The following GRIN2A variants were observed in gnomAD, a reference collection of about 807,000 sequenced individuals.
The protein encoded by GRIN2A is glutamate receptor ionotropic, NMDA 2A.
In GRIN2A, 22 loss-of-function variants were observed where a neutral mutation model predicts 113.4. That is an observed-to-expected ratio of 0.19 (90% CI 0.14 to 0.28). The LOEUF is 0.28. Ranked by LOEUF, GRIN2A falls within the 10% of genes least tolerant of loss-of-function variation. The probability of loss-of-function intolerance (pLI) is 1.00; values close to 1 mark genes in which losing one functional copy is unlikely to be tolerated. For synonymous variants in GRIN2A, 827 were observed against 738.4 expected, an observed-to-expected ratio of 1.12 and a Z score of -1.94; for missense variants, 1,502 against 1,887.0, an observed-to-expected ratio of 0.80 and a Z score of 3.78.
At chr16:9,836,445 C>T (rs1042932380) in intron 7 of GRIN2A, among the ~76,000 whole-genome samples, 1 of 152,192 alleles carries the variant, frequency 6.6e-6, no homozygotes, top group Non-Finnish European at 1.5e-5. Flanking sequence ...ACTGAATTAT[C>T]CTATGTGCAT....
chr16:9,866,474 G>T (rs2043161751), intron 4 of GRIN2A, among the ~76,000 whole-genome samples: 1 of 151,932 alleles, frequency 6.6e-6, no homozygotes. Context: ...GAGGAATAAA[G>T]GGATACCATG....
At chr16:10,126,754 T>C (rs4782275) in intron 2 of GRIN2A, among the ~76,000 whole-genome samples, 26,275 of 152,172 alleles carry the variant, frequency 0.17, 2,373 homozygotes, top group Admixed American at 0.19. Flanking sequence ...AAGCAACCAT[T>C]TGATTCTGCC....
At chr16:9,924,850 T>C (rs550540491) in intron 3 of GRIN2A, among the ~76,000 whole-genome samples, 5 of 152,332 alleles carry the variant, frequency 3.3e-5, no homozygotes, top group African/African-American at 1.2e-4. Flanking sequence ...ATTTTATATC[T>C]AGTAGTTTGA....
At position 9,757,854 on chromosome 16, in the gene GRIN2A, C is replaced by A; in HGVS notation, c.*5295G>T. 1 of 226,396 alleles carries A rather than the reference C, an allele frequency of 4.4e-6. No individual in the cohort carries two copies. The highest frequency in any genetic ancestry group is 8.8e-6 in the Non-Finnish European group (1 of 113,564). The allele number at this position is 226,396 out of a possible 1,614,324, so 14.0% of individuals were successfully genotyped here. On this transcript the variant is annotated 3_prime_UTR_variant, in exon 13 of 13. Transcript: ENST00000330684. ...CAAATTCAAAGAAGCATGGGTAGGT[C>A]TTTCTGGGGCAAGTGGCAAAAACAA...
At chr16:10,068,610 C>A (rs56204883) in intron 2 of GRIN2A, among the ~76,000 whole-genome samples, 4,371 of 152,334 alleles carry the variant, frequency 0.029, 219 homozygotes, top group African/African-American at 0.1. Flanking sequence ...CCAGGCCCCA[C>A]CTCCAACACT....
intron 3 of GRIN2A, among the ~76,000 whole-genome samples, chr16:9,897,820 C>A (rs1042166851): frequency 6.6e-6 from 1 of 152,090 alleles, no homozygotes; most frequent in African/African-American, 2.4e-5. Context: ...AACTGGTAGA[C>A]TGTAATCATG....
At chr16:9,808,091 C>T (rs2042017262) in intron 10 of GRIN2A, among the ~76,000 whole-genome samples, 1 of 152,208 alleles carries the variant, frequency 6.6e-6, no homozygotes, top group African/African-American at 2.4e-5. Context: ...CATTCTGCTG[C>T]AGATTTCACG....
In GRIN2A at chr16:9,988,308, T is replaced by TGTGTGTGA. The variant is rs1395076166; in HGVS notation, c.415-49758_415-49757insTCACACAC. On this transcript the variant is annotated intron_variant, in intron 2 of 12. Transcript: ENST00000330684. ...GCGTGTGTGTGTGTGTGTGTGTGTG[T>TGTGTGTGA]GACACAGAAAGAGGTCTTACAAACA... 2.2e-4 allele frequency among the ~76,000 whole-genome samples: 33 copies of TGTGTGTGA among 150,728 alleles called. 1 individual carries two copies. In the East Asian group the frequency reaches 5.0e-3, roughly 23 times the overall value.
At chr16:10,016,573 G>A (rs1179737326) in intron 2 of GRIN2A, among the ~76,000 whole-genome samples, 1 of 152,100 alleles carries the variant, frequency 6.6e-6, no homozygotes, top group African/African-American at 2.4e-5. Flanking sequence ...CCTCCTATCT[G>A]GCATAGCATC....
At chr16:10,147,418 T>G (rs34172814) in intron 2 of GRIN2A, among the ~76,000 whole-genome samples, 65,890 of 143,940 alleles carry the variant, frequency 0.46, 16,271 homozygotes, top group East Asian at 0.85. Flanking sequence ...AGACCAGGCT[T>G]GGGCAACATG....
chr16:9,851,304 C>T (rs968378361), intron 4 of GRIN2A, among the ~76,000 whole-genome samples: 3 of 152,106 alleles, frequency 2.0e-5, no homozygotes, highest in East Asian at 1.9e-4. Context: ...GATAGGATGG[C>T]GAGTAGAGCA....
chr16:9,772,202 CTT>C (rs1901315100), intron 11 of GRIN2A, among the ~76,000 whole-genome samples: 1 of 152,144 alleles, frequency 6.6e-6, no homozygotes, highest in South Asian at 2.1e-4. Flanking sequence ...TCATGGGAGA[CTT>C]TGAAATAATA....
At position 10,080,560 on chromosome 16, in the gene GRIN2A, C is replaced by T. The variant is rs186977885; in HGVS notation, c.414+99438G>A. 2.2e-3 allele frequency among the ~76,000 whole-genome samples: 328 copies of T among 152,304 alleles called. 6 individuals carry two copies. Among genetic ancestry groups the T allele is most frequent in the Non-Finnish European group, 3.8e-4 (26 of 68,032 alleles). ...GGCTATTCTTGGAAGCCGAGCAACA[C>T]GCCTGCCACAGGGAAATGAGTCATG... On this transcript the variant is annotated intron_variant, in intron 2 of 12. Transcript: ENST00000330684.
chr16:9,807,838 T>C (rs371030147), intron 10 of GRIN2A, among the ~76,000 whole-genome samples: 2 of 152,284 alleles, frequency 1.3e-5, no homozygotes, highest in East Asian at 3.9e-4. Flanking sequence ...TAAATATTTC[T>C]CTAAGCCTTG....
Position 9,949,444 on chromosome 16 carries a change from T to A in GRIN2A, c.415-10893A>T, listed in dbSNP as rs147375326. Among the ~76,000 whole-genome samples, 28 of 150,076 alleles carry A rather than the reference T, an allele frequency of 1.9e-4. 1 individual carries two copies. The highest frequency in any genetic ancestry group is 3.1e-4 in the Non-Finnish European group (21 of 67,530). On this transcript the variant is annotated intron_variant, in intron 2 of 12. Transcript: ENST00000330684. ...ACAGGTGGATGGATGGGTGGGTGGATGAATGGATGGGTGGGCAGATGAATG... is the reference window on the plus strand; with the variant it reads ...ACAGGTGGATGGATGGGTGGGTGGAAGAATGGATGGGTGGGCAGATGAATG...
At chr16:10,034,535 CAAAAAAAAAAA>C (rs58076569) in intron 2 of GRIN2A, among the ~76,000 whole-genome samples, 2 of 36,422 alleles carry the variant, frequency 5.5e-5, no homozygotes, top group African/African-American at 1.1e-4. Flanking sequence ...CAAAAAAAAG[CAAAAAAAAAAA>C]AAAAAAAAAA....
At chr16:10,150,517 C>G (rs2049546142) in intron 2 of GRIN2A, among the ~76,000 whole-genome samples, 1 of 152,070 alleles carries the variant, frequency 6.6e-6, no homozygotes, top group South Asian at 2.1e-4. Context: ...GAGAGCTGCC[C>G]TCTCTCTACC....
At chr16:10,102,426 C>T (rs1364210953) in intron 2 of GRIN2A, among the ~76,000 whole-genome samples, 1 of 152,240 alleles carries the variant, frequency 6.6e-6, no homozygotes, top group Admixed American at 6.5e-5. Context: ...TCACCAGAAG[C>T]CAAGCTGAAG....
At chr16:9,868,508 C>A (rs1426709457) in intron 4 of GRIN2A, among the ~76,000 whole-genome samples, 1 of 152,156 alleles carries the variant, frequency 6.6e-6, no homozygotes, top group African/African-American at 2.4e-5. Context: ...CTCAGGTGAT[C>A]TGCCTGCCTC....
Sources: allele counts gnomAD v4.1 joint callset (sites outside exome capture counted in the v4.1 genomes callset), GRCh38; gene constraint gnomAD v4.1.1; transcripts MANE v1.5; gene names NCBI Gene and HGNC (gene_info 2026-07-23, HGNC 2026-07-21).